GMDS: variants seen among roughly 807,000 people sequenced by gnomAD.
GMDS encodes GDP-mannose 4,6 dehydratase.
GMDS carries 20 observed loss-of-function variants against 49.9 expected under a neutral mutation model. That is an observed-to-expected ratio of 0.40 (90% CI 0.28 to 0.58). The LOEUF (loss-of-function observed/expected upper bound fraction) is 0.58. Among genes scored for constraint, GMDS ranks in the 20% least tolerant of loss-of-function variants. The pLI, the probability that GMDS is intolerant of heterozygous loss-of-function variation, is 0.42. For missense variants in GMDS, 362 were observed against 481.4 expected (o/e 0.75, Z 2.32); for synonymous variants, 177 against 178.6 (o/e 0.99, Z 0.07).
chr6:2,065,590 C>T (rs1165894234), intron 4 of GMDS, among the ~76,000 whole-genome samples: 6 of 152,238 alleles, frequency 3.9e-5, no homozygotes, highest in Admixed American at 3.9e-4. Context: ...GCTGATGGAG[C>T]TGAAAACCAA....
At chr6:1,670,362 T>C (rs531701064) in intron 9 of GMDS, among the ~76,000 whole-genome samples, 1 of 148,052 alleles carries the variant, frequency 6.8e-6, no homozygotes, top group Admixed American at 6.7e-5. Context: ...GTTTCTGGGT[T>C]TTTTTTGGTT....
chr6:1,921,848 G>A (rs922368220), intron 7 of GMDS, among the ~76,000 whole-genome samples: 102 of 152,296 alleles, frequency 6.7e-4, no homozygotes, highest in African/African-American at 2.3e-3. Context: ...ATTTTTCAAA[G>A]AGAGTATATT....
chr6:1,642,254 C>T (rs1032058847), intron 9 of GMDS, among the ~76,000 whole-genome samples: 6 of 149,146 alleles, frequency 4.0e-5, no homozygotes, highest in African/African-American at 1.5e-4. Flanking sequence ...GCAACCTCCA[C>T]CTCCCAGGTT....
intron 9 of GMDS, among the ~76,000 whole-genome samples, chr6:1,702,255 T>C (rs1765569379): frequency 6.6e-6 from 1 of 152,028 alleles, no homozygotes; most frequent in Non-Finnish European, 1.5e-5. Context: ...TTACAGACGT[T>C]TAGAGTGGCA....
chr6:1,729,267 C>A (rs1451807824), intron 8 of GMDS, among the ~76,000 whole-genome samples: 1 of 152,216 alleles, frequency 6.6e-6, no homozygotes, highest in Admixed American at 6.5e-5. Context: ...TTATTAAATA[C>A]AGCCTGAAAG....
intron 9 of GMDS, among the ~76,000 whole-genome samples, chr6:1,722,844 G>T (rs1766432948): frequency 1.3e-5 from 2 of 152,174 alleles, no homozygotes; most frequent in African/African-American, 4.8e-5. Flanking sequence ...CAAGACAGGG[G>T]TCTTAAGTGG....
intron 9 of GMDS, among the ~76,000 whole-genome samples, chr6:1,711,626 T>C (rs1765968984): frequency 1.3e-5 from 2 of 152,230 alleles, no homozygotes; most frequent in Non-Finnish European, 2.9e-5. Flanking sequence ...GAGATACTAC[T>C]CTGCAATTTT....
chr6:1,965,144 G>C, intron 4 of GMDS, among the ~76,000 whole-genome samples: 1 of 152,104 alleles, frequency 6.6e-6, no homozygotes, highest in African/African-American at 2.4e-5. Context: ...ATGTGTGCAT[G>C]TGTCTTTATA....
intron 7 of GMDS, among the ~76,000 whole-genome samples, chr6:1,847,060 C>T (rs925825943): frequency 3.9e-5 from 6 of 152,004 alleles, no homozygotes; most frequent in African/African-American, 9.7e-5. Context: ...ATTTCCCCCA[C>T]CCCCTTTTTA....
intron 9 of GMDS, among the ~76,000 whole-genome samples, chr6:1,716,842 C>A (rs1446560161): frequency 6.6e-6 from 1 of 152,232 alleles, no homozygotes; most frequent in Non-Finnish European, 1.5e-5. Flanking sequence ...CTCTAAAACT[C>A]CCCTTTATTA....
At chr6:2,186,391 CAACTT>C (rs879409590) in intron 1 of GMDS, among the ~76,000 whole-genome samples, 5 of 152,172 alleles carry the variant, frequency 3.3e-5, no homozygotes, top group Non-Finnish European at 7.4e-5. Flanking sequence ...TCTACCTACT[CAACTT>C]AGCTGATTCC....
At chr6:1,915,213 A>G (rs1417177615) in intron 7 of GMDS, among the ~76,000 whole-genome samples, 3 of 152,228 alleles carry the variant, frequency 2.0e-5, no homozygotes, top group Non-Finnish European at 4.4e-5. Flanking sequence ...CAGGCAGTTG[A>G]GCACCGGGGT....
chr6:1,727,741 C>A (rs1444640109), intron 8 of GMDS, among the ~76,000 whole-genome samples: 2 of 152,132 alleles, frequency 1.3e-5, no homozygotes, highest in Non-Finnish European at 2.9e-5. Context: ...CAAATCACTT[C>A]TTGGTAGCAA....
At chr6:1,925,553 C>T (rs1188503151) in intron 7 of GMDS, among the ~76,000 whole-genome samples, 1 of 152,200 alleles carries the variant, frequency 6.6e-6, no homozygotes, top group Non-Finnish European at 1.5e-5. Context: ...AAACAATGTA[C>T]TTGCACAGCA....
intron 7 of GMDS, among the ~76,000 whole-genome samples, chr6:1,886,431 ATAT>A (rs1759611714): frequency 6.6e-6 from 1 of 152,234 alleles, no homozygotes; most frequent in South Asian, 2.1e-4. Flanking sequence ...AGTAGATTTT[ATAT>A]TATTAAGACA....
intron 7 of GMDS, among the ~76,000 whole-genome samples, chr6:1,835,589 A>T (rs1409359159): frequency 2.6e-5 from 4 of 151,454 alleles, no homozygotes; most frequent in Non-Finnish European, 5.9e-5. Context: ...TTTAGGCTTG[A>T]TAAACCAACT....
At chr6:1,677,069 A>C (rs1375401690) in intron 9 of GMDS, among the ~76,000 whole-genome samples, 4 of 152,238 alleles carry the variant, frequency 2.6e-5, no homozygotes, top group African/African-American at 9.6e-5. Flanking sequence ...CAAAGAACTT[A>C]AACAAATTTA....
intron 9 of GMDS, among the ~76,000 whole-genome samples, chr6:1,648,024 C>G (rs1193351525): frequency 6.6e-6 from 1 of 152,168 alleles, no homozygotes; most frequent in Non-Finnish European, 1.5e-5. Context: ...TAAAGGAACT[C>G]GGTCTTGTTC....
chr6:2,188,076 G>A (rs569566098), intron 1 of GMDS, among the ~76,000 whole-genome samples: 1 of 152,312 alleles, frequency 6.6e-6, no homozygotes, highest in Admixed American at 6.5e-5. Flanking sequence ...ACACATGCAG[G>A]CTGGTTCTCA....
Sources: gnomAD v4.1 joint callset for allele counts (sites outside exome capture counted in the v4.1 genomes callset) on GRCh38, gnomAD v4.1.1 for gene constraint, MANE v1.5 for transcripts, NCBI Gene and HGNC (gene_info 2026-07-23, HGNC 2026-07-21) for gene names.